UTS2B: variants seen among roughly 807,000 people sequenced by gnomAD.
UTS2B encodes the protein urotensin 2B, also known as urotensin-2B.
Under a neutral mutation model 19.2 loss-of-function variants are expected in UTS2B, and 21 were observed. The ratio of observed to expected loss-of-function variants is 1.09; its 90% CI spans 0.78 to 1.58. UTS2B has a LOEUF of 1.58. Ranked by LOEUF, UTS2B falls within the 40% of genes most tolerant of loss-of-function variation. UTS2B has a pLI of 0.00. For missense variants in UTS2B, 138 were observed against 130.3 expected (o/e 1.06, Z -0.29); for synonymous variants, 57 against 50.2 (o/e 1.14, Z -0.58).
At chr3:191,333,577 G>A (rs565079068), upstream of UTS2B, among the ~76,000 whole-genome samples, 1 of 152,248 alleles carries the variant, frequency 6.6e-6, no homozygotes, top group African/African-American at 2.4e-5. Context: ...ACCCTGGCTG[G>A]ATCTCTTGGA....
At chr3:191,309,885 A>AAT (rs1717245763) in intron 3 of UTS2B, among the ~76,000 whole-genome samples, 5 of 152,238 alleles carry the variant, frequency 3.3e-5, no homozygotes, top group African/African-American at 1.2e-4. Context: ...CTGCAGAACC[A>AAT]TGAGCCAATT....
chr3:191,285,513 A>G (rs2108578691), intron 4 of UTS2B, among the ~76,000 whole-genome samples: 1 of 152,352 alleles, frequency 6.6e-6, no homozygotes, highest in African/African-American at 2.4e-5. Context: ...GTATACATGC[A>G]TTAAATTCTC....
intron 5 of UTS2B, 148 bp from the exon 6 acceptor site, chr3:191,278,318 G>A (rs3816495): frequency 0.11 from 49,282 of 467,380 alleles, 4,336 homozygotes; most frequent in African/African-American, 0.33. Context: ...GGTAATTTAA[G>A]AAATTATTGA....
chr3:191,331,397 A>G (rs938650770), upstream of UTS2B, among the ~76,000 whole-genome samples: 3 of 152,210 alleles, frequency 2.0e-5, no homozygotes, highest in Non-Finnish European at 4.4e-5. Flanking sequence ...TTATTTCTCA[A>G]GGAGTTCCAC....
intron 4 of UTS2B, among the ~76,000 whole-genome samples, chr3:191,286,502 A>G (rs1483146721): frequency 6.6e-6 from 1 of 152,198 alleles, no homozygotes; most frequent in Non-Finnish European, 1.5e-5. Flanking sequence ...AATTAAAAAA[A>G]TGTTTTCTAC....
intron 5 of UTS2B, among the ~76,000 whole-genome samples, chr3:191,279,957 T>C (rs1192783041): frequency 2.0e-5 from 3 of 152,116 alleles, no homozygotes; most frequent in Non-Finnish European, 4.4e-5. Context: ...GAACAGTTAA[T>C]ATTAATAAAG....
rs537822221 is a variant in UTS2B, at chr3:191,296,338, A to AT, written c.-125+8153_-125+8154insA. On this transcript the variant is annotated intron_variant, in intron 4 of 8. Coordinates refer to ENST00000340524, the MANE Select transcript of UTS2B (RefSeq NM_198152.5). ...ATTAAAGTTGTGGCTTCTTCAACAA[A>AT]ATCTCCCCTGATTTCTCCAGATTAA... is the stretch of plus-strand genomic sequence containing the variant. Among the ~76,000 whole-genome samples the AT allele has an allele frequency of 3.8e-3, 578 of 152,096 alleles. 1 individual carries two copies. The highest frequency in any genetic ancestry group is 0.013 in the African/African-American group (555 of 41,484).
the UTS2B span, among the ~76,000 whole-genome samples, chr3:191,344,613 C>G: frequency 6.6e-6 from 1 of 152,192 alleles, no homozygotes; most frequent in Non-Finnish European, 1.5e-5. Context: ...GAGTCTCGCT[C>G]TGTCACGCAG....
intron 4 of UTS2B, among the ~76,000 whole-genome samples, chr3:191,288,320 A>G (rs1040951110): frequency 2.6e-5 from 4 of 152,234 alleles, no homozygotes; most frequent in Non-Finnish European, 5.9e-5. Flanking sequence ...AAATAGCCAA[A>G]GCAATTTTGG....
rs142167879 is a variant in UTS2B at position 191,278,750 on chromosome 3, T to G, written c.104-580A>C. ...CATTCATTCCTCAGGTCCCTAAATG[T>G]CTCAGTACTGTAATTATCTTCATTC... is the stretch of plus-strand genomic sequence containing the variant. On this transcript the variant is annotated intron_variant, in intron 5 of 8. Transcript: ENST00000340524. Among the ~76,000 whole-genome samples, 191 of 152,058 alleles carry G rather than the reference T, an allele frequency of 1.3e-3. 3 individuals carry two copies. The highest frequency in any genetic ancestry group is 0.011 in the Admixed American group (175 of 15,266).
intron 4 of UTS2B, among the ~76,000 whole-genome samples, chr3:191,296,590 C>A (rs1290011351): frequency 1.3e-5 from 2 of 152,160 alleles, no homozygotes; most frequent in East Asian, 3.8e-4. Context: ...CCAGAAATAT[C>A]TAATAATTAA....
chr3:191,317,239 G>A (rs112433419), intron 2 of UTS2B, among the ~76,000 whole-genome samples: 260 of 152,266 alleles, frequency 1.7e-3, no homozygotes, highest in African/African-American at 5.9e-3. Context: ...CTGCTGGCCC[G>A]GGTGCTAAGC....
At chr3:191,296,396 T>C (rs552353204) in intron 4 of UTS2B, among the ~76,000 whole-genome samples, 5 of 152,204 alleles carry the variant, frequency 3.3e-5, no homozygotes, top group Admixed American at 1.3e-4. Context: ...TTCACTCCAC[T>C]GTGTACATTT....
intron 4 of UTS2B, among the ~76,000 whole-genome samples, chr3:191,292,896 T>G (rs1481462038): frequency 1.3e-5 from 2 of 152,070 alleles, no homozygotes; most frequent in African/African-American, 4.8e-5. Flanking sequence ...CCTTTTCCCC[T>G]CTATTGAGAC....
chr3:191,297,121 TTG>T (rs1378831540), intron 4 of UTS2B, among the ~76,000 whole-genome samples: 2 of 152,208 alleles, frequency 1.3e-5, no homozygotes, highest in African/African-American at 2.4e-5. Flanking sequence ...CCTTTTCTCC[TTG>T]TGTGTGTCTT....
intron 3 of UTS2B, among the ~76,000 whole-genome samples, chr3:191,314,020 C>T (rs766039545): frequency 7.2e-5 from 11 of 152,110 alleles, no homozygotes; most frequent in South Asian, 4.1e-4. Context: ...CATGAGCCAC[C>T]GCACCAGGCC....
chr3:191,280,630 T>C (rs1307135119), intron 5 of UTS2B, among the ~76,000 whole-genome samples: 1 of 152,130 alleles, frequency 6.6e-6, no homozygotes, highest in Non-Finnish European at 1.5e-5. Flanking sequence ...AGCACCACTG[T>C]GCTGTCAGTG....
intron 8 of UTS2B, among the ~76,000 whole-genome samples, chr3:191,271,719 T>G (rs1716100284): frequency 6.6e-6 from 1 of 152,202 alleles, no homozygotes; most frequent in Non-Finnish European, 1.5e-5. Context: ...TTGGAGTCAC[T>G]CCTTAGATGC....
intron 3 of UTS2B, among the ~76,000 whole-genome samples, chr3:191,315,451 C>T (rs995708581): frequency 1.3e-5 from 2 of 152,200 alleles, no homozygotes; most frequent in African/African-American, 4.8e-5. Flanking sequence ...ATACTGAGCC[C>T]TAAGCTGCTG....
Sources: gnomAD v4.1 joint callset for allele counts (sites outside exome capture counted in the v4.1 genomes callset) on GRCh38, gnomAD v4.1.1 for gene constraint, MANE v1.5 for transcripts, NCBI Gene and HGNC (gene_info 2026-07-23, HGNC 2026-07-21) for gene names.